CDH18: variants seen among roughly 807,000 people sequenced by gnomAD.
CDH18 encodes the protein cadherin-18.
A neutral mutation model predicts 67.9 loss-of-function variants in CDH18; 31 were observed. The ratio of observed to expected loss-of-function variants is 0.46; its 90% confidence interval spans 0.34 to 0.62. The LOEUF (loss-of-function observed/expected upper bound fraction) is 0.62. CDH18 is among the 20% of genes least tolerant of loss of function. The pLI is 0.01. For synonymous variants in CDH18, 362 were observed against 347.2 expected (o/e 1.04, Z -0.48); for missense variants, 890 against 975.5 (o/e 0.91, Z 1.17).
chr5:19,553,866 T>C (rs1737908421), intron 8 of CDH18, among the ~76,000 whole-genome samples: 1 of 151,946 alleles, frequency 6.6e-6, no homozygotes, highest in Admixed American at 6.6e-5. Flanking sequence ...ACTCCTGAGC[T>C]CAAATGATCC....
Position 19,958,244 on chromosome 5 carries a change from A to G in CDH18, c.-257+22816T>C, listed in dbSNP as rs936163744. 7.3e-5 allele frequency among the ~76,000 whole-genome samples: 11 copies of G among 151,642 alleles called. 1 individual carries two copies. The highest frequency in any genetic ancestry group is 2.4e-4 in the African/African-American group (10 of 41,220). The stretch of plus-strand genomic sequence containing the variant: ...TGGAGTAGAATAAACACTCTCAACC[A>G]TTGATCTAAGCCATGTTGCGATGCC... On this transcript the variant is annotated intron_variant, in intron 2 of 12. Transcript: ENST00000382275.
chr5:19,886,578 T>C (rs1788232436), intron 2 of CDH18, among the ~76,000 whole-genome samples: 1 of 152,206 alleles, frequency 6.6e-6, no homozygotes, highest in Non-Finnish European at 1.5e-5. Flanking sequence ...AATCTTTCTC[T>C]TTTGAGTATG....
At chr5:20,450,745 G>GA (rs1442751586) in intron 1 of CDH18, among the ~76,000 whole-genome samples, 1 of 152,082 alleles carries the variant, frequency 6.6e-6, no homozygotes, top group Non-Finnish European at 1.5e-5. Context: ...CACTACATAT[G>GA]AAAAAACTCA....
chr5:20,238,354 A>G (rs1411970395), intron 2 of CDH18, among the ~76,000 whole-genome samples: 1 of 152,174 alleles, frequency 6.6e-6, no homozygotes, highest in African/African-American at 2.4e-5. Context: ...ACTTGTATTC[A>G]GAATTTAAAT....
intron 5 of CDH18, among the ~76,000 whole-genome samples, chr5:19,720,669 CAT>C (rs1765970435): frequency 6.6e-6 from 1 of 151,962 alleles, no homozygotes; most frequent in Non-Finnish European, 1.5e-5. Context: ...GATATAATGT[CAT>C]ATGATATGAT....
intron 1 of CDH18, among the ~76,000 whole-genome samples, chr5:20,451,164 C>T (rs143635180): frequency 2.0e-5 from 3 of 152,192 alleles, no homozygotes; most frequent in Admixed American, 2.0e-4. Flanking sequence ...ACATTTCTTA[C>T]TACTCTGTAA....
intron 12 of CDH18, among the ~76,000 whole-genome samples, chr5:19,482,332 A>G (rs915714133): frequency 2.3e-4 from 35 of 152,014 alleles, no homozygotes; most frequent in Middle Eastern, 3.4e-3. Flanking sequence ...TAGCCAGGAT[A>G]GTCTCGATCT....
At chr5:20,214,902 T>C (rs2126407956) in intron 2 of CDH18, among the ~76,000 whole-genome samples, 1 of 151,892 alleles carries the variant, frequency 6.6e-6, no homozygotes, top group East Asian at 1.9e-4. Context: ...AGAGTAAACA[T>C]ACAACCTACA....
At chr5:20,052,483 G>C (rs1741518209) in intron 2 of CDH18, among the ~76,000 whole-genome samples, 1 of 151,884 alleles carries the variant, frequency 6.6e-6, no homozygotes, top group Non-Finnish European at 1.5e-5. Context: ...ATTTATATCA[G>C]AAAAAAGGTA....
At chr5:20,489,051 T>C (rs931320334) in intron 1 of CDH18, among the ~76,000 whole-genome samples, 5 of 152,082 alleles carry the variant, frequency 3.3e-5, no homozygotes, top group African/African-American at 1.2e-4. Context: ...CCTGCTCATT[T>C]AATCAACATA....
chr5:20,504,543 A>T (rs1482969965), intron 1 of CDH18, among the ~76,000 whole-genome samples: 1 of 152,138 alleles, frequency 6.6e-6, no homozygotes, highest in African/African-American at 2.4e-5. Context: ...ACAATCTAGA[A>T]ATATAGAAAC....
chr5:20,416,038 G>T (rs1747281132), intron 1 of CDH18, among the ~76,000 whole-genome samples: 1 of 152,080 alleles, frequency 6.6e-6, no homozygotes, highest in Non-Finnish European at 1.5e-5. Flanking sequence ...AGTTATGCAA[G>T]ATAAGTACGT....
At chr5:19,649,481 T>C (rs1372801024) in intron 5 of CDH18, among the ~76,000 whole-genome samples, 1 of 152,096 alleles carries the variant, frequency 6.6e-6, no homozygotes, top group Non-Finnish European at 1.5e-5. Flanking sequence ...TATTTACTGA[T>C]ATGTAAATAT....
intron 2 of CDH18, among the ~76,000 whole-genome samples, chr5:19,994,252 CATAT>C (rs1214622846): frequency 6.8e-6 from 1 of 147,018 alleles, no homozygotes; most frequent in African/African-American, 2.5e-5. Flanking sequence ...CACATATACA[CATAT>C]ATACACATAT....
chr5:19,557,917 T>C (rs1738730021), intron 8 of CDH18, among the ~76,000 whole-genome samples: 1 of 152,026 alleles, frequency 6.6e-6, no homozygotes, highest in African/African-American at 2.4e-5. Context: ...TCAACAAATT[T>C]AAGAAAATCA....
Position 19,672,639 on chromosome 5 carries a change from G to A in CDH18, c.643+48708C>T, listed in dbSNP as rs111833365. On this transcript the variant is annotated intron_variant, in intron 5 of 12. Coordinates refer to ENST00000382275, the MANE Select transcript of CDH18 (RefSeq NM_004934.5). The stretch of plus-strand genomic sequence containing the variant: ...GGTCTATGGTATTAATATCCTAACA[G>A]CTTTTTAAAAAAATTTATGAAAAAA... Among the ~76,000 whole-genome samples, 1,302 of 151,992 alleles carry A rather than the reference G, an allele frequency of 8.6e-3. 10 individuals are homozygous for A. The highest frequency in any genetic ancestry group is 0.019 in the African/African-American group (791 of 41,474).
chr5:20,236,643 G>A (rs1742495449), intron 2 of CDH18, among the ~76,000 whole-genome samples: 1 of 151,896 alleles, frequency 6.6e-6, no homozygotes, highest in Non-Finnish European at 1.5e-5. Context: ...CTTAGAAGAA[G>A]AAATCAAGGA....
At chr5:19,879,330 T>C (rs116177356) in intron 2 of CDH18, among the ~76,000 whole-genome samples, 2,426 of 152,098 alleles carry the variant, frequency 0.016, 51 homozygotes, top group African/African-American at 0.052. Flanking sequence ...TGCTTGTTTT[T>C]CTTAGCTCTA....
chr5:19,526,665 C>G lies in CDH18; in HGVS notation c.1391-5887G>C, dbSNP rs78185096. On this transcript the variant is annotated intron_variant, in intron 9 of 12. Coordinates refer to ENST00000382275, the MANE Select transcript of CDH18 (RefSeq NM_004934.5). ...AAAGCCATTATTATTTAAATATGTGCCACCCAAACAATCTAAATCATGTCT... is the reference window on the plus strand; with the variant it reads ...AAAGCCATTATTATTTAAATATGTGGCACCCAAACAATCTAAATCATGTCT... 8.5e-3 allele frequency among the ~76,000 whole-genome samples: 1,297 copies of G among 152,062 alleles called. 25 individuals are homozygous for G. Among genetic ancestry groups the G allele is most frequent in the African/African-American group, 0.03 (1,239 of 41,508 alleles).
Sources: gnomAD v4.1 joint callset for allele counts (sites outside exome capture counted in the v4.1 genomes callset) on GRCh38, gnomAD v4.1.1 for gene constraint, MANE v1.5 for transcripts, NCBI Gene and HGNC (gene_info 2026-07-23, HGNC 2026-07-21) for gene names.